NDUFB9: variants seen among roughly 807,000 people sequenced by gnomAD.
NDUFB9 encodes the protein NADH:ubiquinone oxidoreductase subunit B9, also known as NADH dehydrogenase [ubiquinone] 1 beta subcomplex subunit 9.
Under a neutral mutation model 30.2 loss-of-function variants are expected in NDUFB9, and 24 were observed. The ratio of observed to expected loss-of-function variants is 0.80; its 90% CI spans 0.58 to 1.12. The LOEUF (loss-of-function observed/expected upper bound fraction) is 1.12. Ranked by LOEUF, NDUFB9 falls within the 50% of genes most tolerant of loss-of-function variation. The probability of loss-of-function intolerance (pLI) is 0.00; values close to 1 mark genes in which losing one functional copy is unlikely to be tolerated. For missense variants in NDUFB9, 204 were observed against 226.0 expected (o/e 0.90, Z 0.62); for synonymous variants, 80 against 84.0 (o/e 0.95, Z 0.26).
chr8:124,541,834 C>T (rs1402305286), intron 1 of NDUFB9, among the ~76,000 whole-genome samples: 1 of 151,864 alleles, frequency 6.6e-6, no homozygotes, highest in Non-Finnish European at 1.5e-5. Flanking sequence ...GAACTCCTGA[C>T]CTCAGGTGAC....
intron 1 of NDUFB9, among the ~76,000 whole-genome samples, chr8:124,542,020 A>G (rs1217490461): frequency 3.3e-5 from 5 of 151,390 alleles, no homozygotes; most frequent in Admixed American, 1.3e-4. Flanking sequence ...GGTTCAAGCT[A>G]TTCTCCTGCC....
rs1586712039 is a variant in NDUFB9 at position 124,541,850 on chromosome 8, C to T, written c.102-1237C>T. Among the ~76,000 whole-genome samples, 3 of 151,512 alleles carry T rather than the reference C, an allele frequency of 2.0e-5. No individual in the cohort carries two copies. The East Asian group carries it at 5.9e-4, about 30-fold the overall frequency. Reference sequence around the variant, plus strand: ...AACTCCTGACCTCAGGTGACCTCCACCTCAGCCTCCCAAAGTGCTGGGATT... The same window carrying T: ...AACTCCTGACCTCAGGTGACCTCCATCTCAGCCTCCCAAAGTGCTGGGATT... On this transcript the variant is annotated intron_variant, in intron 1 of 3. Coordinates refer to ENST00000276689, the MANE Select transcript of NDUFB9 (RefSeq NM_005005.3).
intron 3 of NDUFB9, among the ~76,000 whole-genome samples, chr8:124,549,313 T>C (rs1458421551): frequency 6.6e-6 from 1 of 152,220 alleles, no homozygotes; most frequent in African/African-American, 2.4e-5. Context: ...GGAAGGGGGC[T>C]TAGAATTAAC....
chr8:124,541,552 C>T (rs1446863552), intron 1 of NDUFB9, among the ~76,000 whole-genome samples: 2 of 152,160 alleles, frequency 1.3e-5, no homozygotes, highest in Non-Finnish European at 1.5e-5. Context: ...GATATACACA[C>T]TGTTATTGCC....
At chr8:124,547,291 A>G in intron 3 of NDUFB9, 178 bp downstream of exon 3, 1 of 690,116 alleles carries the variant, frequency 1.4e-6, no homozygotes, top group Non-Finnish European at 2.6e-6. Flanking sequence ...CAAGTAAGTT[A>G]AAGTGCATTC....
At chr8:124,548,117 G>A (rs777480984) in intron 3 of NDUFB9, among the ~76,000 whole-genome samples, 36 of 152,294 alleles carry the variant, frequency 2.4e-4, no homozygotes, top group Non-Finnish European at 4.1e-4. Flanking sequence ...AATTCATTTT[G>A]GAAGTGTGAA....
chr8:124,549,901 A>G lies in NDUFB9; in HGVS notation c.*9A>G, dbSNP rs768631429. The stretch of plus-strand genomic sequence containing the variant: ...GGGAGCGGCCCATGTAGAAAGAGAG[A>G]GACCTCATCTTTCATGCTTGCAAGT... On this transcript the variant is annotated 3_prime_UTR_variant, in exon 4 of 4. Coordinates refer to ENST00000276689, the MANE Select transcript of NDUFB9 (RefSeq NM_005005.3). 17 of 1,614,154 alleles carry G rather than the reference A, an allele frequency of 1.1e-5. No individual in the cohort carries two copies. The highest frequency in any genetic ancestry group is 1.4e-5 in the Non-Finnish European group (16 of 1,179,992).
chr8:124,540,479 A>G (rs928539558), intron 1 of NDUFB9, among the ~76,000 whole-genome samples: 3 of 152,224 alleles, frequency 2.0e-5, no homozygotes, highest in Admixed American at 6.5e-5. Context: ...ATGAATATCC[A>G]AATTACCCTG....
chr8:124,542,458 A>G (rs778236047), intron 1 of NDUFB9, among the ~76,000 whole-genome samples: 5 of 152,156 alleles, frequency 3.3e-5, no homozygotes, highest in Non-Finnish European at 7.3e-5. Flanking sequence ...GGAAGTCTCA[A>G]TGTCTCCCCT....
chr8:124,547,161 G>A, intron 3 of NDUFB9, 48 bp downstream of exon 3: 2 of 1,436,254 alleles, frequency 1.4e-6, no homozygotes, highest in Non-Finnish European at 2.0e-6. Flanking sequence ...TAGATGGAGT[G>A]AAGTTTTGCT....
rs371001929 is a variant in NDUFB9, at chr8:124,539,136, A to C, written c.-51A>C. 8.0e-5 allele frequency: 129 copies of C among 1,613,054 alleles called. No individual in the cohort carries two copies. Among genetic ancestry groups the C allele is most frequent in the Non-Finnish European group, 1.0e-4 (123 of 1,179,148 alleles). ...CTGGCCCCGCTCAGTCACCCGCAGC[A>C]GGCGTGCAGTTTCCCGGCTCTCCGC... On this transcript the variant is annotated 5_prime_UTR_variant, in exon 1 of 4. Coordinates refer to ENST00000276689, the MANE Select transcript of NDUFB9 (RefSeq NM_005005.3).
chr8:124,542,368 C>T (rs1043972730), intron 1 of NDUFB9, among the ~76,000 whole-genome samples: 6 of 152,188 alleles, frequency 3.9e-5, no homozygotes, highest in South Asian at 2.1e-4. Flanking sequence ...CAGTAACTTA[C>T]CCCAAGTTAC....
intron 3 of NDUFB9, 53 bp from the exon 4 acceptor site, chr8:124,549,708 T>G (rs1366710006): frequency 6.3e-6 from 10 of 1,576,168 alleles, no homozygotes; most frequent in Admixed American, 1.7e-5. Context: ...CAGACAGATT[T>G]TTATAGTCAA....
intron 2 of NDUFB9, among the ~76,000 whole-genome samples, chr8:124,543,731 GCTGA>G (rs1822085399): frequency 2.0e-5 from 3 of 152,176 alleles, no homozygotes; most frequent in African/African-American, 7.2e-5. Flanking sequence ...ATGTGCGTGT[GCTGA>G]CTGTTTCACC....
In NDUFB9 at chr8:124,543,288, G is replaced by C. The variant is rs1231800457; in HGVS notation, c.294+9G>C. 1 of 1,609,754 alleles carries C rather than the reference G, an allele frequency of 6.2e-7. No individual in the cohort carries two copies. The highest frequency in any genetic ancestry group is 8.5e-7 in the Non-Finnish European group (1 of 1,176,002). On this transcript the variant is annotated intron_variant, in intron 2 of 3. Transcript: ENST00000276689. Reference sequence around the variant, plus strand: ...GATACGATTGCTACAAGGTAGGTGAGAATTATGATGACTGCCTTCTGAGAA... The same window carrying C: ...GATACGATTGCTACAAGGTAGGTGACAATTATGATGACTGCCTTCTGAGAA...
intron 3 of NDUFB9, chr8:124,547,388 C>T (rs1186495798): frequency 3.3e-6 from 2 of 604,354 alleles, no homozygotes; most frequent in African/African-American, 1.9e-5. Context: ...TCTTGCTATA[C>T]TTTCCCTCAA....
Position 124,549,921 on chromosome 8 carries a change from G to C in NDUFB9, c.*29G>C. 6.2e-7 allele frequency: 1 copy of C among 1,613,972 alleles called. No homozygotes were observed. The highest frequency in any genetic ancestry group is 1.1e-5 in the South Asian group (1 of 91,054). ...GAGAGAGACCTCATCTTTCATGCTT[G>C]CAAGTGAAATATGTTACAGAACATG... On this transcript the variant is annotated 3_prime_UTR_variant, in exon 4 of 4. Transcript: ENST00000276689.
chr8:124,541,191 T>G (rs943481474), intron 1 of NDUFB9, among the ~76,000 whole-genome samples: 1 of 151,976 alleles, frequency 6.6e-6, no homozygotes, highest in African/African-American at 2.4e-5. Context: ...AAAAAAAAAT[T>G]GAAAAGATCA....
At chr8:124,542,941 A>G (rs1300828705) in intron 1 of NDUFB9, 146 bp from the exon 2 acceptor site, 20 of 770,940 alleles carry the variant, frequency 2.6e-5, no homozygotes, top group Non-Finnish European at 4.2e-5. Flanking sequence ...GGAAGCAGCC[A>G]TGATGATACG....
Sources: gnomAD v4.1 joint callset for allele counts (sites outside exome capture counted in the v4.1 genomes callset) on GRCh38, gnomAD v4.1.1 for gene constraint, MANE v1.5 for transcripts, NCBI Gene and HGNC (gene_info 2026-07-23, HGNC 2026-07-21) for gene names.